The following VCP variants were observed in gnomAD, a reference collection of about 807,000 sequenced individuals.
The protein encoded by VCP is valosin containing protein, also known as transitional endoplasmic reticulum ATPase.
Under a neutral mutation model 85.7 loss-of-function variants are expected in VCP, and 6 were observed. The observed-to-expected ratio is 0.07, with a 90% CI of 0.04 to 0.14. The LOEUF (loss-of-function observed/expected upper bound fraction) is 0.14, where lower values mean the gene tolerates loss of function less well. Among genes scored for constraint, VCP ranks in the 10% least tolerant of loss-of-function variants. The pLI, the probability that VCP is intolerant of heterozygous loss-of-function variation, is 1.00. For synonymous variants in VCP, 384 were observed against 367.1 expected (o/e 1.05, Z -0.53); for missense variants, 353 against 1,043.4 (o/e 0.34, Z 9.12).
chr9:35,066,131 A>G (rs543725505), intron 4 of VCP, among the ~76,000 whole-genome samples: 1 of 152,068 alleles, frequency 6.6e-6, no homozygotes, highest in South Asian at 2.1e-4. Context: ...GTCTCAAAAA[A>G]AAAAGAAAAG....
rs200857983 is a variant in VCP, at chr9:35,064,298, G to A, written c.577-13C>T. ...ACTCTTCCTCATCCTGAATATGGAG[G>A]AGATAAAGAAAGGAGAAGGCAAGAA... On this transcript the variant is annotated splice_polypyrimidine_tract_variant and intron_variant, in intron 5 of 16. Transcript: ENST00000358901. The A allele has an allele frequency of 3.1e-6, 5 of 1,613,898 alleles. No individual in the cohort carries two copies. Among genetic ancestry groups the A allele is most frequent in the East Asian group, 2.2e-5 (1 of 44,892 alleles).
At position 35,067,999 on chromosome 9, in the gene VCP, C is replaced by T; in HGVS notation, c.194G>A (p.Arg65Gln). The T allele has an allele frequency of 1.2e-6, 2 of 1,614,222 alleles. No homozygotes were observed. Among genetic ancestry groups the T allele is most frequent in the Non-Finnish European group, 1.7e-6 (2 of 1,180,046 alleles). The change falls in exon 3 of 17, where the codon CGA (arginine) becomes CAA (glutamine). Residue 65 changes from arginine to glutamine, a missense_variant. Around this residue, in one of 8 missense-constraint regions of VCP, gnomAD observed 69 missense variants for 132.9 expected, o/e 0.52. Coordinates refer to ENST00000358901, the MANE Select transcript of VCP (RefSeq NM_007126.5). ...AGAAAGGACGATGCAAACAGCTTCT[C>T]GTCTCTTCTTTCCTTTCAGCAACAC... ...DTVLLKGKKRREAVCIVLSDD... is the reference protein window; with the variant it reads ...DTVLLKGKKRQEAVCIVLSDD...
At chr9:35,069,005 G>A (rs566723546) in intron 1 of VCP, among the ~76,000 whole-genome samples, 1 of 152,224 alleles carries the variant, frequency 6.6e-6, no homozygotes, top group South Asian at 2.1e-4. Flanking sequence ...CCTCCCTTGA[G>A]GCTCAGGGAG....
chr9:35,065,983 G>A (rs980756183), intron 4 of VCP, among the ~76,000 whole-genome samples: 3 of 152,022 alleles, frequency 2.0e-5, no homozygotes, highest in Non-Finnish European at 2.9e-5. Context: ...AAAATTAGCC[G>A]GGCGTGGTGG....
intron 15 of VCP, 24 bp from the exon 16 acceptor site, chr9:35,057,554 C>T (rs780306937): frequency 2.9e-5 from 47 of 1,604,330 alleles, no homozygotes; most frequent in Non-Finnish European, 3.8e-5. Flanking sequence ...ACACAGATCA[C>T]TAGGGCTAGT....
intron 9 of VCP, 113 bp from the exon 10 acceptor site, chr9:35,061,802 TAAAA>T (rs765239601): frequency 2.4e-4 from 336 of 1,388,488 alleles, no homozygotes; most frequent in Non-Finnish European, 3.3e-4. Context: ...ATGCCAGCAC[TAAAA>T]AAGTCTCAAG....
chr9:35,064,142 C>G lies in VCP; in HGVS notation c.708+12G>C, dbSNP rs761606019. 4.3e-6 allele frequency: 7 copies of G among 1,614,132 alleles called. No homozygotes were observed. The Admixed American group carries it at 1.2e-4, about 27-fold the overall frequency. ...CCACTTTAGACTTGATTCCAGAGCCCAGGATGCTCACCTTCACACCAATTG... is the reference window on the plus strand; with the variant it reads ...CCACTTTAGACTTGATTCCAGAGCCGAGGATGCTCACCTTCACACCAATTG... On this transcript the variant is annotated intron_variant, in intron 6 of 16. Transcript: ENST00000358901.
At chr9:35,068,444 CA>C in intron 1 of VCP, 82 bp from the exon 2 acceptor site, 1 of 1,242,466 alleles carries the variant, frequency 8.0e-7, no homozygotes, top group Non-Finnish European at 1.2e-6. Flanking sequence ...AGGAAAGAAA[CA>C]GTGAATAGAT....
rs1272305472 is a variant in VCP, at chr9:35,059,241, C to T, written c.2005-22G>A. The T allele has an allele frequency of 6.2e-7, 1 of 1,614,082 alleles. No homozygotes were observed. Among genetic ancestry groups the T allele is most frequent in the Admixed American group, 1.7e-5 (1 of 60,008 alleles). On this transcript the variant is annotated intron_variant, in intron 14 of 16. Coordinates refer to ENST00000358901, the MANE Select transcript of VCP (RefSeq NM_007126.5). This position sits in a 1 kb window ranked among gnomAD's most constrained non-coding sequence, Gnocchi z 4.9. The stretch of plus-strand genomic sequence containing the variant: ...CATCCTAAAAGCAGCAGCAGAGGTA[C>T]CTTAGCATTTAGCCTCTCCTCTCGA...
Position 35,059,315 on chromosome 9 carries a change from C to T in VCP, c.2005-96G>A, listed in dbSNP as rs1828674632. 6.4e-7 allele frequency: 1 copy of T among 1,569,108 alleles called. No homozygotes were observed. The highest frequency in any genetic ancestry group is 8.7e-7 in the Non-Finnish European group (1 of 1,153,534). ...CGAGCACTCCCAACTACAGTTTGCC[C>T]CTTCTTTGGCCACCCCATTTTATTC... On this transcript the variant is annotated intron_variant, in intron 14 of 16. Coordinates refer to ENST00000358901, the MANE Select transcript of VCP (RefSeq NM_007126.5). The surrounding 1 kb of genome is among the most constrained non-coding windows in gnomAD (Gnocchi z 4.9).
chr9:35,068,179 T>C (rs1261860211), intron 2 of VCP, 72 bp downstream of exon 2: 1 of 1,607,160 alleles, frequency 6.2e-7, no homozygotes. Context: ...GCAAGAAAAA[T>C]GAGAAAAGAA....
intron 1 of VCP, among the ~76,000 whole-genome samples, chr9:35,071,303 T>G (rs1034951200): frequency 5.2e-5 from 7 of 133,350 alleles, no homozygotes; most frequent in Non-Finnish European, 9.2e-5. Flanking sequence ...GTTTTTTTTT[T>G]TTTTTTTTTT....
intron 10 of VCP, 141 bp from the exon 11 acceptor site, chr9:35,061,320 G>T: frequency 8.1e-7 from 1 of 1,236,494 alleles, no homozygotes; most frequent in Non-Finnish European, 1.2e-6. Flanking sequence ...ACCTTTATGG[G>T]CTGGGTTTTA....
chr9:35,070,352 T>C (rs1828916161), intron 1 of VCP, among the ~76,000 whole-genome samples: 1 of 152,180 alleles, frequency 6.6e-6, no homozygotes, highest in Non-Finnish European at 1.5e-5. Context: ...ATCAAAATAC[T>C]CTTCCAGGGA....
chr9:35,071,296 T>G (rs1428904634), intron 1 of VCP, among the ~76,000 whole-genome samples: 14 of 13,054 alleles, frequency 1.1e-3, no homozygotes, highest in Non-Finnish European at 5.4e-3. Flanking sequence ...TGGCTGTGTT[T>G]TTTTTTTTTT....
At chr9:35,061,875 G>A (rs559967108) in intron 9 of VCP, 128 bp downstream of exon 9, 137 of 1,545,500 alleles carry the variant, frequency 8.9e-5, no homozygotes, top group East Asian at 5.2e-4. Context: ...TAGACAGGAC[G>A]TAGGGTAAAG....
At position 35,072,561 on chromosome 9, in the gene VCP, G is replaced by A. The variant is rs1327498628; in HGVS notation, c.-208C>T. On this transcript the variant is annotated 5_prime_UTR_variant, in exon 1 of 17. Coordinates refer to ENST00000358901, the MANE Select transcript of VCP (RefSeq NM_007126.5). The stretch of plus-strand genomic sequence containing the variant: ...CTGGCTCCTGATCCGCGAGGTGGCA[G>A]TGGCAGTGGCAGCGGCAGCGGCAGC... 1.8e-6 allele frequency: 1 copy of A among 548,738 alleles called. No homozygotes were observed. The highest frequency in any genetic ancestry group is 3.0e-6 in the Non-Finnish European group (1 of 337,740). 34.0% of individuals were successfully genotyped at this position (548,738 alleles called of 1,614,324 possible).
intron 4 of VCP, among the ~76,000 whole-genome samples, chr9:35,066,423 C>T (rs1163592947): frequency 6.6e-6 from 1 of 151,496 alleles, no homozygotes; most frequent in African/African-American, 2.4e-5. Context: ...GATGGGGTTT[C>T]GCCATGTTGG....
intron 2 of VCP, 27 bp downstream of exon 2, chr9:35,068,224 A>G (rs1291612737): frequency 9.3e-6 from 15 of 1,611,266 alleles, no homozygotes; most frequent in Non-Finnish European, 1.2e-5. Flanking sequence ...TGCAGTAAGG[A>G]AAGACTAGTC....
Sources: gnomAD v4.1 joint callset for allele counts (sites outside exome capture counted in the v4.1 genomes callset) on GRCh38, gnomAD v4.1.1 for gene constraint, gnomAD v4.1.1 regional missense constraint, Gnocchi (gnomAD v3.1) non-coding constraint, MANE v1.5 for transcripts, NCBI Gene and HGNC (gene_info 2026-07-23, HGNC 2026-07-21) for gene names.